Variants in NLGN1 observed in about 807,000 individuals in gnomAD.
The protein encoded by NLGN1 is neuroligin 1, also known as neuroligin-1.
In NLGN1, 12 loss-of-function variants were observed where a neutral mutation model predicts 65.5. The observed-to-expected ratio is 0.18, with a 90% CI of 0.12 to 0.30. The LOEUF (loss-of-function observed/expected upper bound fraction) is 0.30, where lower values mean the gene tolerates loss of function less well. NLGN1 is among the 10% of genes least tolerant of loss of function. The pLI is 1.00. For missense variants in NLGN1, 750 were observed against 1,007.1 expected, an observed-to-expected ratio of 0.74 and a Z score of 3.46; for synonymous variants, 350 against 359.5, an observed-to-expected ratio of 0.97 and a Z score of 0.30.
chr3:173,556,086 C>T (rs1458616995), intron 2 of NLGN1, among the ~76,000 whole-genome samples: 1 of 152,156 alleles, frequency 6.6e-6, no homozygotes, highest in African/African-American at 2.4e-5. Context: ...ATTCACCTAA[C>T]GTCCCTACTA....
rs192108971 is a variant in NLGN1 at position 173,503,949 on chromosome 3, G to A, written c.-321+68871G>A. On this transcript the variant is annotated intron_variant, in intron 2 of 6. Coordinates refer to ENST00000457714, the Ensembl canonical transcript of NLGN1. ...TTAAAGCACTTTGCTTCTTTTGCTCGCTGAAGAGAAGAAATAACACATATG... is the reference window on the plus strand; with the variant it reads ...TTAAAGCACTTTGCTTCTTTTGCTCACTGAAGAGAAGAAATAACACATATG... Among the ~76,000 whole-genome samples, 499 of 151,622 alleles carry A rather than the reference G, an allele frequency of 3.3e-3. 3 individuals carry two copies. Among genetic ancestry groups the A allele is most frequent in the African/African-American group, 0.011 (464 of 41,312 alleles).
chr3:173,867,665 AGAT>A (rs887121953), intron 4 of NLGN1, among the ~76,000 whole-genome samples: 8 of 152,102 alleles, frequency 5.3e-5, no homozygotes, highest in African/African-American at 1.9e-4. Context: ...ATGAATAAAA[AGAT>A]GATTTATCAT....
At chr3:173,998,014 G>A (rs942830605) in intron 4 of NLGN1, among the ~76,000 whole-genome samples, 1 of 152,104 alleles carries the variant, frequency 6.6e-6, no homozygotes, top group Non-Finnish European at 1.5e-5. Context: ...TGTATGGACT[G>A]AGCCATACTT....
chr3:173,717,456 A>G (rs940241900), intron 3 of NLGN1, among the ~76,000 whole-genome samples: 8 of 149,114 alleles, frequency 5.4e-5, no homozygotes, highest in Admixed American at 6.7e-5. Flanking sequence ...CTTGATTGTA[A>G]CAGTTCTTCA....
At chr3:173,883,596 A>G (rs1334610841) in intron 4 of NLGN1, among the ~76,000 whole-genome samples, 1 of 152,150 alleles carries the variant, frequency 6.6e-6, no homozygotes, top group Non-Finnish European at 1.5e-5. Context: ...TAAAACTGCA[A>G]TATCTACAAA....
chr3:173,778,163 A>T (rs75115603), intron 3 of NLGN1, among the ~76,000 whole-genome samples: 4,441 of 151,274 alleles, frequency 0.029, 79 homozygotes, highest in Non-Finnish European at 0.045. Context: ...CTGTTTTTTT[A>T]AAAAAAACCT....
intron 4 of NLGN1, among the ~76,000 whole-genome samples, chr3:174,100,036 A>C (rs1712046449): frequency 6.6e-6 from 1 of 152,136 alleles, no homozygotes; most frequent in Admixed American, 6.6e-5. Context: ...AATGTATGAA[A>C]GTATAATTTA....
At chr3:173,730,230 A>G (rs1218623163) in intron 3 of NLGN1, among the ~76,000 whole-genome samples, 1 of 151,130 alleles carries the variant, frequency 6.6e-6, no homozygotes, top group Non-Finnish European at 1.5e-5. Context: ...ACAAAATTGT[A>G]GTAGGAAATA....
intron 3 of NLGN1, among the ~76,000 whole-genome samples, chr3:173,736,653 T>TTA (rs548300905): frequency 6.7e-6 from 1 of 148,868 alleles, no homozygotes; most frequent in African/African-American, 2.5e-5. Flanking sequence ...CCATTGCAGA[T>TTA]AAAAAAAAAA....
At chr3:173,607,720 T>C (rs966606289) in intron 3 of NLGN1, among the ~76,000 whole-genome samples, 4 of 151,700 alleles carry the variant, frequency 2.6e-5, no homozygotes, top group African/African-American at 9.7e-5. Context: ...TAATATATAC[T>C]GCATGTGGAC....
chr3:174,221,853 C>G (rs1295376036), intron 4 of NLGN1, among the ~76,000 whole-genome samples: 1 of 151,980 alleles, frequency 6.6e-6, no homozygotes, highest in Non-Finnish European at 1.5e-5. Flanking sequence ...CAATCTCTTC[C>G]TCCATTATCA....
chr3:174,141,841 G>A lies in NLGN1; in HGVS notation c.647-133474G>A, dbSNP rs375402715. Among the ~76,000 whole-genome samples, 12 of 152,168 alleles carry A rather than the reference G, an allele frequency of 7.9e-5. 1 individual carries two copies. In the East Asian group the frequency reaches 1.9e-3, roughly 24 times the overall value. ...AATAAAACAGGATATGATACAGAAGGACTAATGGTTTATATTTTAGTTTTT... is the reference window on the plus strand; with the variant it reads ...AATAAAACAGGATATGATACAGAAGAACTAATGGTTTATATTTTAGTTTTT... On this transcript the variant is annotated intron_variant, in intron 4 of 6. Transcript: ENST00000457714.
intron 3 of NLGN1, among the ~76,000 whole-genome samples, chr3:173,785,674 TTATA>T (rs68011560): frequency 1.3e-5 from 2 of 150,670 alleles, no homozygotes; most frequent in African/African-American, 2.4e-5. Flanking sequence ...ATAGTTGAGT[TTATA>T]TATATATATA....
intron 2 of NLGN1, among the ~76,000 whole-genome samples, chr3:173,450,912 T>G (rs1721380088): frequency 6.6e-6 from 1 of 152,220 alleles, no homozygotes; most frequent in Non-Finnish European, 1.5e-5. Context: ...TTCAGCTCCA[T>G]CAGGTCCCTT....
chr3:174,174,089 T>C (rs1201318199), intron 4 of NLGN1, among the ~76,000 whole-genome samples: 1 of 152,142 alleles, frequency 6.6e-6, no homozygotes, highest in Non-Finnish European at 1.5e-5. Flanking sequence ...TGTTATTCCA[T>C]TCGTGAGTTA....
chr3:173,435,797 T>G (rs1334859844), intron 2 of NLGN1, among the ~76,000 whole-genome samples: 1 of 152,122 alleles, frequency 6.6e-6, no homozygotes, highest in African/African-American at 2.4e-5. Flanking sequence ...ATCATGCCAC[T>G]GCACTCCATC....
intron 4 of NLGN1, among the ~76,000 whole-genome samples, chr3:173,869,396 A>G (rs1313127094): frequency 2.0e-4 from 31 of 152,262 alleles, no homozygotes; most frequent in East Asian, 7.7e-4. Flanking sequence ...TAGCTTTGTG[A>G]GAGGATAGTA....
chr3:174,133,988 T>C (rs1196063268), intron 4 of NLGN1, among the ~76,000 whole-genome samples: 5 of 151,786 alleles, frequency 3.3e-5, no homozygotes, highest in Non-Finnish European at 7.4e-5. Flanking sequence ...TTCTAATACC[T>C]GGACAAAGCT....
At chr3:174,178,301 G>T (rs935555383) in intron 4 of NLGN1, among the ~76,000 whole-genome samples, 12 of 152,074 alleles carry the variant, frequency 7.9e-5, no homozygotes, top group African/African-American at 2.9e-4. Flanking sequence ...CAGCCTAGGT[G>T]TTATTCAATA....
Sources: allele counts gnomAD v4.1 joint callset (sites outside exome capture counted in the v4.1 genomes callset), GRCh38; gene constraint gnomAD v4.1.1; transcripts MANE v1.5; gene names NCBI Gene and HGNC (gene_info 2026-07-23, HGNC 2026-07-21).